Variants in PXK observed in about 807,000 individuals in gnomAD.
PXK encodes PX domain containing serine/threonine kinase like.
Under a neutral mutation model 84.7 loss-of-function variants are expected in PXK, and 35 were observed. The ratio of observed to expected loss-of-function variants is 0.41; its 90% CI spans 0.32 to 0.55. The LOEUF is 0.55. Among genes scored for constraint, PXK ranks in the 20% least tolerant of loss-of-function variants. PXK has a pLI of 0.21. For synonymous variants in PXK, 253 were observed against 260.8 expected (o/e 0.97, Z 0.29); for missense variants, 634 against 699.7 (o/e 0.91, Z 1.06).
intron 1 of PXK, among the ~76,000 whole-genome samples, chr3:58,361,953 C>G (rs2098194846): frequency 6.6e-6 from 1 of 152,150 alleles, no homozygotes; most frequent in South Asian, 2.1e-4. Context: ...ATTTTATAGT[C>G]CCATCTGCAA....
intron 17 of PXK, chr3:58,420,807 C>A: frequency 7.4e-7 from 1 of 1,358,086 alleles, no homozygotes; most frequent in Non-Finnish European, 9.5e-7. Context: ...ACTCTGATTT[C>A]AGTTTTAAAA....
intron 1 of PXK, among the ~76,000 whole-genome samples, chr3:58,348,787 C>A (rs1396921854): frequency 6.6e-6 from 1 of 151,564 alleles, no homozygotes; most frequent in African/African-American, 2.4e-5. Context: ...TGGTGGCATA[C>A]CTGTAGTCTC....
Position 58,362,839 on chromosome 3 carries a change from G to A in PXK, c.103-3035G>A, listed in dbSNP as rs371387628. ...AGCAATTCTCCTTCCTCAGCTTCCT[G>A]AGTAGCTGGGACTACAAGTGCGTAC... On this transcript the variant is annotated intron_variant, in intron 1 of 17. Coordinates refer to ENST00000356151, the MANE Select transcript of PXK (RefSeq NM_017771.5). 1.5e-4 allele frequency among the ~76,000 whole-genome samples: 23 copies of A among 152,212 alleles called. No individual in the cohort carries two copies. The East Asian group carries it at 3.3e-3, about 22-fold the overall frequency.
At position 58,333,148 on chromosome 3, in the gene PXK, T is replaced by TGCGGGCTGCCTGGC. The variant is rs2097525329; in HGVS notation, c.102+65_102+78dup. The TGCGGGCTGCCTGGC allele has an allele frequency of 1.0e-6, 1 of 978,696 alleles. No individual in the cohort carries two copies. The highest frequency in any genetic ancestry group is 1.8e-5 in the African/African-American group (1 of 56,842). 60.6% of individuals were successfully genotyped at this position (978,696 alleles called of 1,614,324 possible). On this transcript the variant is annotated intron_variant, in intron 1 of 17. Coordinates refer to ENST00000356151, the MANE Select transcript of PXK (RefSeq NM_017771.5). The surrounding 1 kb of genome is among the most constrained non-coding windows in gnomAD (Gnocchi z 5.4). ...GGGCGGCCCCGGGCCGCGAGGGGGC[T>TGCGGGCTGCCTGGC]GCGGGCTGCCTGGCGCGGGCCGGGC...
intron 1 of PXK, among the ~76,000 whole-genome samples, chr3:58,337,249 G>A (rs1414658220): frequency 6.6e-6 from 1 of 152,200 alleles, no homozygotes; most frequent in East Asian, 1.9e-4. Context: ...TTTAAAATCA[G>A]TGGAAAAGAT....
At chr3:58,391,256 C>G in intron 6 of PXK, 36 bp downstream of exon 6, 1 of 1,538,004 alleles carries the variant, frequency 6.5e-7, no homozygotes, top group Non-Finnish European at 9.0e-7. Flanking sequence ...CCTTCAGTGA[C>G]TTTAGATGGG....
At chr3:58,405,623 G>A (rs2059274377) in intron 13 of PXK, among the ~76,000 whole-genome samples, 1 of 150,484 alleles carries the variant, frequency 6.6e-6, no homozygotes, top group Non-Finnish European at 1.5e-5. Context: ...AGGTTGCAGT[G>A]AACTGAGAGC....
intron 1 of PXK, among the ~76,000 whole-genome samples, chr3:58,346,929 C>A (rs1405761744): frequency 1.3e-5 from 2 of 152,144 alleles, no homozygotes; most frequent in Non-Finnish European, 2.9e-5. Context: ...ACCTCCGCCT[C>A]CCAGGTTCAA....
chr3:58,390,573 T>C lies in PXK; in HGVS notation c.389-9T>C. ...GTCTGACTAATGGGTTTCTAAAATG[T>C]CTTTGCAGAGATTGCCTTGCAACAG... On this transcript the variant is annotated splice_polypyrimidine_tract_variant and intron_variant, in intron 4 of 17. Coordinates refer to ENST00000356151, the MANE Select transcript of PXK (RefSeq NM_017771.5). This position sits in a 1 kb window ranked among gnomAD's most constrained non-coding sequence, Gnocchi z 4.2. The C allele has an allele frequency of 7.4e-6, 12 of 1,611,906 alleles. No individual in the cohort carries two copies. The highest frequency in any genetic ancestry group is 9.3e-6 in the Non-Finnish European group (11 of 1,178,590).
intron 13 of PXK, among the ~76,000 whole-genome samples, chr3:58,408,589 C>T (rs2059725576): frequency 6.7e-6 from 1 of 150,282 alleles, no homozygotes. Flanking sequence ...GTGGCGTGAT[C>T]TCGGCTCTCT....
At position 58,401,854 on chromosome 3, in the gene PXK, A is replaced by G. The variant is rs983880197; in HGVS notation, c.1182-2008A>G. 7.2e-5 allele frequency among the ~76,000 whole-genome samples: 11 copies of G among 152,210 alleles called. No homozygotes were observed. The highest frequency in any genetic ancestry group is 1.3e-4 in the Admixed American group (2 of 15,284). ...AGTTTGCACTGGAGCGCGCCACTGC[A>G]CTCCAGCCTGGGCGACAGAGTGAGA... On this transcript the variant is annotated intron_variant, in intron 12 of 17. Transcript: ENST00000356151. This position sits in a 1 kb window ranked among gnomAD's most constrained non-coding sequence, Gnocchi z 4.4.
At chr3:58,341,980 A>G (rs2097741309) in intron 1 of PXK, among the ~76,000 whole-genome samples, 1 of 152,090 alleles carries the variant, frequency 6.6e-6, no homozygotes, top group South Asian at 2.1e-4. Flanking sequence ...CTGGGATTAC[A>G]AGCGTGAGCC....
intron 12 of PXK, among the ~76,000 whole-genome samples, chr3:58,402,050 C>T (rs11918201): frequency 0.3 from 45,022 of 151,726 alleles, 7,431 homozygotes; most frequent in Middle Eastern, 0.39. Context: ...TAACAAGACT[C>T]CATCTCTTTA....
intron 17 of PXK, among the ~76,000 whole-genome samples, chr3:58,420,079 T>TGG (rs1007454253): frequency 6.6e-5 from 10 of 152,170 alleles, no homozygotes; most frequent in African/African-American, 2.4e-5. Flanking sequence ...CTAGAAGACT[T>TGG]GCTTGGAAAA....
chr3:58,373,436 A>G (rs2098405941), intron 3 of PXK, among the ~76,000 whole-genome samples: 1 of 152,192 alleles, frequency 6.6e-6, no homozygotes, highest in Non-Finnish European at 1.5e-5. Flanking sequence ...GTTGAACTAG[A>G]TGACTTCTGA....
In PXK at chr3:58,395,180, T is replaced by C. The variant is rs992910326; in HGVS notation, c.720+78T>C. The C allele has an allele frequency of 2.8e-5, 28 of 1,014,148 alleles. No homozygotes were observed. In the African/African-American group the frequency reaches 4.3e-4, roughly 16 times the overall value. 62.8% of individuals were successfully genotyped at this position (1,014,148 alleles called of 1,614,324 possible). ...GTTATTGATACTTAGTCTCTAAGAC[T>C]CCAGAGGCTAGGCCCTGAGGATTTG... On this transcript the variant is annotated intron_variant, in intron 8 of 17. Coordinates refer to ENST00000356151, the MANE Select transcript of PXK (RefSeq NM_017771.5).
rs1159247642 is a variant in PXK, at chr3:58,378,492, C to CTTTT, written c.202-4004_202-4001dup. ...ATTGGATTTGGACTTCATTTTTCTTCTTTTTTTTTTTTTTTTTTTTTGTGT... is the reference window on the plus strand; with the variant it reads ...ATTGGATTTGGACTTCATTTTTCTTCTTTTTTTTTTTTTTTTTTTTTTTTTGTGT... On this transcript the variant is annotated intron_variant, in intron 3 of 17. Transcript: ENST00000356151. 5.8e-4 allele frequency among the ~76,000 whole-genome samples: 14 copies of CTTTT among 24,322 alleles called. 1 individual carries two copies. Among genetic ancestry groups the CTTTT allele is most frequent in the Non-Finnish European group, 7.3e-4 (9 of 12,246 alleles). 16.0% of individuals were successfully genotyped at this position (24,322 alleles called of 152,430 possible).
chr3:58,375,062 A>T (rs929084338), intron 3 of PXK, among the ~76,000 whole-genome samples: 2 of 152,234 alleles, frequency 1.3e-5, no homozygotes, highest in African/African-American at 4.8e-5. Context: ...ATGAAGCTTG[A>T]CAAACTGGGT....
chr3:58,394,941 T>A, intron 7 of PXK, 57 bp from the exon 8 acceptor site: 1 of 1,340,282 alleles, frequency 7.5e-7, no homozygotes, highest in African/African-American at 1.4e-5. Context: ...GATCCTGTAT[T>A]TAAAAGGACC....
Sources: allele counts gnomAD v4.1 joint callset (sites outside exome capture counted in the v4.1 genomes callset), GRCh38; gene constraint gnomAD v4.1.1; non-coding constraint Gnocchi (gnomAD v3.1); transcripts MANE v1.5; gene names NCBI Gene and HGNC (gene_info 2026-07-23, HGNC 2026-07-21).